The following SEZ6L variants were observed in gnomAD, a reference collection of about 807,000 sequenced individuals.
SEZ6L encodes the protein seizure related 6 homolog like, also known as seizure 6-like protein.
A neutral mutation model predicts 106.2 loss-of-function variants in SEZ6L; 37 were observed. That is an observed-to-expected ratio of 0.35 (90% CI 0.27 to 0.46). The LOEUF is 0.46. Among genes scored for constraint, SEZ6L ranks in the 20% least tolerant of loss-of-function variants. SEZ6L has a pLI of 1.00. For missense variants in SEZ6L, 1,172 were observed against 1,332.8 expected (o/e 0.88, Z 1.88); for synonymous variants, 541 against 570.4 (o/e 0.95, Z 0.73).
At position 26,382,127 on chromosome 22, in the gene SEZ6L, G is replaced by A; in HGVS notation, c.*1832G>A. The A allele has an allele frequency of 2.0e-6, 1 of 489,062 alleles. No individual in the cohort carries two copies. Among genetic ancestry groups the A allele is most frequent in the Non-Finnish European group, 4.1e-6 (1 of 245,620 alleles). 30.3% of individuals were successfully genotyped at this position (489,062 alleles called of 1,614,324 possible). ...ATACTCCTGAAGGCATGAGTGTGTGGTCCATGGCAAGAAATAGCTAAAGGC... is the reference window on the plus strand; with the variant it reads ...ATACTCCTGAAGGCATGAGTGTGTGATCCATGGCAAGAAATAGCTAAAGGC... On this transcript the variant is annotated 3_prime_UTR_variant, in exon 17 of 17. Coordinates refer to ENST00000248933, the MANE Select transcript of SEZ6L (RefSeq NM_021115.5).
intron 9 of SEZ6L, among the ~76,000 whole-genome samples, chr22:26,318,138 A>T (rs1320828476): frequency 5.9e-5 from 9 of 151,738 alleles, no homozygotes; most frequent in Admixed American, 2.6e-4. Context: ...CAGTGGTGCC[A>T]TCTCAGCTCA....
rs376878615 is a variant in SEZ6L, at chr22:26,170,162, G to C, written c.94+399G>C. On this transcript the variant is annotated intron_variant, in intron 1 of 16. Transcript: ENST00000248933. The stretch of plus-strand genomic sequence containing the variant: ...TTCCTCTCCGGGAGAGGACAGGAAG[G>C]GGGGTGAGAAGCTGACCCACCCTGC... Among the ~76,000 whole-genome samples, 57 of 152,186 alleles carry C rather than the reference G, an allele frequency of 3.7e-4. No homozygotes were observed. The East Asian group carries it at 4.7e-3, about 12-fold the overall frequency.
intron 12 of SEZ6L, chr22:26,351,452 C>T (rs536808054): frequency 4.1e-6 from 2 of 488,786 alleles, no homozygotes; most frequent in South Asian, 3.9e-5. Flanking sequence ...TGCTCTAAGT[C>T]TTCTACCAAA....
At chr22:26,343,481 G>C (rs2082910825) in intron 10 of SEZ6L, among the ~76,000 whole-genome samples, 1 of 152,110 alleles carries the variant, frequency 6.6e-6, no homozygotes, top group Non-Finnish European at 1.5e-5. Context: ...CTTACAGTTG[G>C]CAAGCACTTT....
At chr22:26,317,021 C>T (rs1281234725) in intron 9 of SEZ6L, among the ~76,000 whole-genome samples, 2 of 152,012 alleles carry the variant, frequency 1.3e-5, no homozygotes, top group Non-Finnish European at 2.9e-5. Context: ...ATGATGAGAA[C>T]ATCTGCAAAA....
intron 12 of SEZ6L, among the ~76,000 whole-genome samples, chr22:26,359,598 G>A (rs2083545950): frequency 6.6e-6 from 1 of 152,080 alleles, no homozygotes; most frequent in Non-Finnish European, 1.5e-5. Flanking sequence ...AGGAGTTCAG[G>A]ACCAGCCTGG....
chr22:26,295,107 G>A (rs571912353), intron 3 of SEZ6L, among the ~76,000 whole-genome samples: 3 of 152,266 alleles, frequency 2.0e-5, no homozygotes, highest in Admixed American at 1.3e-4. Flanking sequence ...TTAAAACTGC[G>A]TGACTTTGAA....
intron 1 of SEZ6L, among the ~76,000 whole-genome samples, chr22:26,205,128 A>C (rs1419570270): frequency 1.3e-5 from 2 of 152,222 alleles, no homozygotes; most frequent in Non-Finnish European, 2.9e-5. Flanking sequence ...AGAGAAGAGA[A>C]ACTCGCTTTA....
chr22:26,301,581 G>A (rs975272996), intron 5 of SEZ6L, among the ~76,000 whole-genome samples: 1 of 152,212 alleles, frequency 6.6e-6, no homozygotes, highest in African/African-American at 2.4e-5. Context: ...TGTGAGAGGC[G>A]TTGCAATGCA....
intron 9 of SEZ6L, among the ~76,000 whole-genome samples, chr22:26,339,999 C>T (rs1036924808): frequency 6.6e-6 from 1 of 152,156 alleles, no homozygotes; most frequent in Non-Finnish European, 1.5e-5. Context: ...CATTGGGAGG[C>T]CGAGGTGGGC....
intron 6 of SEZ6L, among the ~76,000 whole-genome samples, chr22:26,308,411 G>C (rs2081706742): frequency 6.6e-6 from 1 of 150,622 alleles, no homozygotes; most frequent in African/African-American, 2.5e-5. Context: ...TATCCTGAAG[G>C]ATTTTGAATG....
chr22:26,328,225 G>T (rs1462457571), intron 9 of SEZ6L, among the ~76,000 whole-genome samples: 2 of 152,188 alleles, frequency 1.3e-5, no homozygotes, highest in Non-Finnish European at 2.9e-5. Context: ...CAGCATAAGT[G>T]CCCTTTACTG....
chr22:26,196,558 A>G (rs764797569), intron 1 of SEZ6L, among the ~76,000 whole-genome samples: 10 of 152,216 alleles, frequency 6.6e-5, no homozygotes, highest in Non-Finnish European at 1.2e-4. Context: ...GAGGCAACTT[A>G]AGAACAGTGG....
At chr22:26,246,582 A>C (rs897162345) in intron 1 of SEZ6L, among the ~76,000 whole-genome samples, 2 of 152,120 alleles carry the variant, frequency 1.3e-5, no homozygotes, top group Non-Finnish European at 2.9e-5. Context: ...GAAAAAAAAA[A>C]GGTATTTCCA....
chr22:26,187,316 G>C (rs1273869159), intron 1 of SEZ6L, among the ~76,000 whole-genome samples: 4 of 152,134 alleles, frequency 2.6e-5, no homozygotes, highest in Admixed American at 2.6e-4. Flanking sequence ...AACAGCATGG[G>C]GGAACCACCC....
chr22:26,352,786 A>G (rs2083322821), intron 12 of SEZ6L, among the ~76,000 whole-genome samples: 1 of 152,192 alleles, frequency 6.6e-6, no homozygotes, highest in Non-Finnish European at 1.5e-5. Flanking sequence ...AAAAATGGAG[A>G]TGTCTGTTGC....
In SEZ6L at chr22:26,169,514, C is replaced by A. The variant is rs950387854; in HGVS notation, c.-156C>A. On this transcript the variant is annotated 5_prime_UTR_variant, in exon 1 of 17. Coordinates refer to ENST00000248933, the MANE Select transcript of SEZ6L (RefSeq NM_021115.5). ...CGGCCAGAGCGACCGCGGGGCTGAGCGCGCGTCCGCCCAGGGGGCTCCGGA... is the reference window on the plus strand; with the variant it reads ...CGGCCAGAGCGACCGCGGGGCTGAGAGCGCGTCCGCCCAGGGGGCTCCGGA... 3 of 364,230 alleles carry A rather than the reference C, an allele frequency of 8.2e-6. No individual in the cohort carries two copies. The highest frequency in any genetic ancestry group is 2.1e-5 in the African/African-American group (1 of 47,024). The allele number at this position is 364,230 out of a possible 1,614,324, so 22.6% of individuals were successfully genotyped here. A position where few individuals can be genotyped will look rare whatever the true frequency, so the allele number is the denominator to read the frequency against.
At chr22:26,305,888 TTC>T (rs3070663) in intron 5 of SEZ6L, 89 bp from the exon 6 acceptor site, 480,357 of 1,139,102 alleles carry the variant, frequency 0.42, 82,654 homozygotes, top group African/African-American at 0.61. Flanking sequence ...ACTCACTTCC[TTC>T]TCTCTCTCTC....
chr22:26,212,157 C>T (rs1007852345), intron 1 of SEZ6L, among the ~76,000 whole-genome samples: 12 of 152,070 alleles, frequency 7.9e-5, no homozygotes, highest in African/African-American at 2.2e-4. Flanking sequence ...GAATTAGAAG[C>T]GGGTCAATGG....
Sources: allele counts gnomAD v4.1 joint callset (sites outside exome capture counted in the v4.1 genomes callset), GRCh38; gene constraint gnomAD v4.1.1; transcripts MANE v1.5; gene names NCBI Gene and HGNC (gene_info 2026-07-23, HGNC 2026-07-21).